Variants in SLX4IP observed in about 807,000 individuals in gnomAD.
SLX4IP encodes SLX4 interacting protein, also known as protein SLX4IP.
Under a neutral mutation model 32.9 loss-of-function variants are expected in SLX4IP, and 34 were observed. The ratio of observed to expected loss-of-function variants is 1.03; its 90% CI spans 0.79 to 1.38. SLX4IP has a LOEUF of 1.38. Among genes scored for constraint, SLX4IP ranks in the 40% most tolerant of loss-of-function variants. SLX4IP has a pLI of 0.00. For synonymous variants in SLX4IP, 172 were observed against 171.7 expected, an observed-to-expected ratio of 1.00 and a Z score of -0.01; for missense variants, 444 against 479.0, an observed-to-expected ratio of 0.93 and a Z score of 0.68.
chr20:10,441,731 G>GTTT (rs3064149), intron 1 of SLX4IP, among the ~76,000 whole-genome samples: 176 of 147,578 alleles, frequency 1.2e-3, no homozygotes, highest in Middle Eastern at 3.4e-3. Flanking sequence ...GTTTGTTTTT[G>GTTT]TTTTTTTTTT....
chr20:10,506,052 T>C (rs1031233702), intron 2 of SLX4IP, among the ~76,000 whole-genome samples: 24 of 152,216 alleles, frequency 1.6e-4, no homozygotes, highest in African/African-American at 5.8e-4. Context: ...TGGAAAAATA[T>C]TTCTTGTGCA....
At chr20:10,598,559 C>A in intron 4 of SLX4IP, 116 bp from the exon 5 acceptor site, 1 of 975,460 alleles carries the variant, frequency 1.0e-6, no homozygotes, top group Non-Finnish European at 1.6e-6. Context: ...TCATCACACT[C>A]AGCTTCATTT....
intron 6 of SLX4IP, among the ~76,000 whole-genome samples, chr20:10,604,991 G>A (rs1209653293): frequency 6.6e-6 from 1 of 152,090 alleles, no homozygotes; most frequent in East Asian, 1.9e-4. Context: ...AACATAAAGT[G>A]AATTTTGATT....
chr20:10,593,393 T>C (rs2066734654), intron 4 of SLX4IP, among the ~76,000 whole-genome samples: 1 of 152,062 alleles, frequency 6.6e-6, no homozygotes, highest in South Asian at 2.1e-4. Context: ...GCTGGCATTT[T>C]AAAAGAGCAT....
At chr20:10,479,981 C>G (rs997216604) in intron 2 of SLX4IP, among the ~76,000 whole-genome samples, 2 of 151,980 alleles carry the variant, frequency 1.3e-5, no homozygotes, top group African/African-American at 2.4e-5. Context: ...TCCAGCCTGG[C>G]GACAGAGTGA....
chr20:10,516,764 T>G (rs2065853483), intron 2 of SLX4IP, among the ~76,000 whole-genome samples: 1 of 152,232 alleles, frequency 6.6e-6, no homozygotes, highest in Non-Finnish European at 1.5e-5. Flanking sequence ...CAAAGTGGGT[T>G]AGGTTGTCTC....
At chr20:10,448,696 G>A (rs1403858975) in intron 1 of SLX4IP, among the ~76,000 whole-genome samples, 1 of 152,180 alleles carries the variant, frequency 6.6e-6, no homozygotes, top group Non-Finnish European at 1.5e-5. Context: ...AGACGACCCC[G>A]CTGGCCTACT....
intron 6 of SLX4IP, among the ~76,000 whole-genome samples, chr20:10,616,903 G>A (rs1600160835): frequency 6.6e-6 from 1 of 152,118 alleles, no homozygotes; most frequent in East Asian, 1.9e-4. Context: ...TTCCCTCAAG[G>A]GCCTCAAGCA....
At chr20:10,504,875 T>C (rs2065745772) in intron 2 of SLX4IP, among the ~76,000 whole-genome samples, 1 of 151,854 alleles carries the variant, frequency 6.6e-6, no homozygotes, top group South Asian at 2.1e-4. Context: ...GCCGTTCTCA[T>C]AGCAACAGGA....
At chr20:10,565,099 A>G (rs1370572166) in intron 4 of SLX4IP, among the ~76,000 whole-genome samples, 1 of 152,056 alleles carries the variant, frequency 6.6e-6, no homozygotes, top group Non-Finnish European at 1.5e-5. Flanking sequence ...CAGCTCTTAA[A>G]TTAATGCCAC....
intron 6 of SLX4IP, among the ~76,000 whole-genome samples, chr20:10,610,301 T>A (rs994438572): frequency 6.6e-6 from 1 of 152,254 alleles, no homozygotes; most frequent in African/African-American, 2.4e-5. Flanking sequence ...CTGGCATCAA[T>A]TCAGAAGAAA....
At chr20:10,518,606 C>T (rs915704267) in intron 2 of SLX4IP, among the ~76,000 whole-genome samples, 1 of 150,718 alleles carries the variant, frequency 6.6e-6, no homozygotes, top group Non-Finnish European at 1.5e-5. Flanking sequence ...GACAGGGTCT[C>T]ACTCTATCAC....
rs1026697588 is a variant in SLX4IP at position 10,567,951 on chromosome 20, G to A, written c.238+7131G>A. On this transcript the variant is annotated intron_variant, in intron 4 of 7. Transcript: ENST00000334534. ...CACAAATTTTTATCTGTTCATAACT[G>A]GCGAGTGAAGCTATTGCCTTTTCAG... 2.6e-5 allele frequency among the ~76,000 whole-genome samples: 4 copies of A among 152,296 alleles called. No homozygotes were observed. In the South Asian group the frequency reaches 8.3e-4, roughly 32 times the overall value.
intron 2 of SLX4IP, among the ~76,000 whole-genome samples, chr20:10,475,621 T>C (rs961641765): frequency 6.6e-6 from 1 of 152,212 alleles, no homozygotes; most frequent in Non-Finnish European, 1.5e-5. Flanking sequence ...CTGGCCTCTC[T>C]CTGCTCCTTT....
chr20:10,542,936 A>G (rs960973253), intron 2 of SLX4IP, among the ~76,000 whole-genome samples: 1 of 152,108 alleles, frequency 6.6e-6, no homozygotes, highest in Non-Finnish European at 1.5e-5. Context: ...CATCCATTCC[A>G]GTGCTGGAAA....
At chr20:10,524,360 G>T (rs2065925064) in intron 2 of SLX4IP, among the ~76,000 whole-genome samples, 1 of 152,108 alleles carries the variant, frequency 6.6e-6, no homozygotes, top group African/African-American at 2.4e-5. Context: ...CACATAACAG[G>T]CATAGCCATG....
chr20:10,597,813 C>T (rs367611915), intron 4 of SLX4IP, among the ~76,000 whole-genome samples: 12 of 152,180 alleles, frequency 7.9e-5, no homozygotes, highest in Admixed American at 5.2e-4. Context: ...CTGCCAGCAG[C>T]GTATGAGAAT....
intron 4 of SLX4IP, among the ~76,000 whole-genome samples, chr20:10,586,373 G>A (rs1192559801): frequency 6.6e-6 from 1 of 152,190 alleles, no homozygotes; most frequent in Admixed American, 6.5e-5. Flanking sequence ...ATTGGTTATA[G>A]CTAGGCATTT....
chr20:10,512,776 CTCTATATATATATATATATATATATATA>C (rs1346166080), intron 2 of SLX4IP, among the ~76,000 whole-genome samples: 1 of 114,746 alleles, frequency 8.7e-6, no homozygotes, highest in African/African-American at 3.9e-5. Context: ...CACACACACA[CTCTATATATATATATATATATATATATA>C]TATATATATA....
Sources: gnomAD v4.1 joint callset for allele counts (sites outside exome capture counted in the v4.1 genomes callset) on GRCh38, gnomAD v4.1.1 for gene constraint, MANE v1.5 for transcripts, NCBI Gene and HGNC (gene_info 2026-07-23, HGNC 2026-07-21) for gene names.